The following ARHGAP42 variants were observed in gnomAD, a reference collection of about 807,000 sequenced individuals.
ARHGAP42 encodes Rho GTPase activating protein 42.
Under a neutral mutation model 125.0 loss-of-function variants are expected in ARHGAP42, and 63 were observed. That is an observed-to-expected ratio of 0.50 (90% CI 0.41 to 0.62). The LOEUF (loss-of-function observed/expected upper bound fraction) is 0.62. ARHGAP42 is among the 20% of genes least tolerant of loss of function. ARHGAP42 has a pLI of 0.00. For missense variants in ARHGAP42, 766 were observed against 1,024.2 expected (o/e 0.75, Z 3.44); for synonymous variants, 339 against 351.0 (o/e 0.97, Z 0.38).
At chr11:100,699,504 ATATTTTTTTTTTTTTTTTTTTTTTTT>A (rs1861360461) in intron 1 of ARHGAP42, among the ~76,000 whole-genome samples, 1 of 33,568 alleles carries the variant, frequency 3.0e-5, no homozygotes, top group African/African-American at 1.1e-4. Flanking sequence ...ATATATATAT[ATATTTTTTTTTTTTTTTTTTTTTTTT>A]TTTTTTTTTG....
chr11:100,715,390 A>C (rs986419475), intron 1 of ARHGAP42, among the ~76,000 whole-genome samples: 1 of 152,076 alleles, frequency 6.6e-6, no homozygotes, highest in Non-Finnish European at 1.5e-5. Flanking sequence ...TAAAACCTAG[A>C]GTGGAATAGT....
intron 1 of ARHGAP42, among the ~76,000 whole-genome samples, chr11:100,697,190 T>G (rs7942169): frequency 0.015 from 2,353 of 151,810 alleles, 80 homozygotes; most frequent in African/African-American, 0.054. Flanking sequence ...GGTTTTTTTT[T>G]TTGTTTTTTT....
intron 8 of ARHGAP42, among the ~76,000 whole-genome samples, chr11:100,938,982 T>C (rs776930778): frequency 4.6e-5 from 7 of 152,140 alleles, no homozygotes; most frequent in Non-Finnish European, 7.4e-5. Flanking sequence ...CAGTGATCAA[T>C]ATCAAATAAA....
rs1565210583 is a variant in ARHGAP42 at position 100,779,519 on chromosome 11, CGTAT to C, written c.250+9082_250+9085del. Among the ~76,000 whole-genome samples, 9 of 127,678 alleles carry C rather than the reference CGTAT, an allele frequency of 7.0e-5. 1 individual carries two copies. The highest frequency in any genetic ancestry group is 9.7e-5 in the Non-Finnish European group (6 of 61,712). The allele number at this position is 127,678 out of a possible 152,430, so 83.8% of individuals were successfully genotyped here. A position where few individuals can be genotyped will look rare whatever the true frequency, so the allele number is the denominator to read the frequency against. Reference sequence around the variant, plus strand: ...ACACATATATACACGTATATATATACGTATACATGCGTATATATACGTATATATA... The same window carrying C: ...ACACATATATACACGTATATATATACACATGCGTATATATACGTATATATA... On this transcript the variant is annotated intron_variant, in intron 2 of 23. Coordinates refer to ENST00000298815, the MANE Select transcript of ARHGAP42 (RefSeq NM_152432.4).
chr11:100,948,187 T>C (rs553684901), intron 10 of ARHGAP42, among the ~76,000 whole-genome samples: 97 of 152,184 alleles, frequency 6.4e-4, no homozygotes, highest in Middle Eastern at 3.4e-3. Context: ...TTGAAACTAG[T>C]CTCCTTCAGA....
chr11:100,738,447 T>C (rs1226185088), intron 1 of ARHGAP42: 1 of 152,222 alleles, frequency 6.6e-6, no homozygotes, highest in Non-Finnish European at 1.5e-5. Context: ...AGCTTTGTTT[T>C]AGATTTAAAA....
At position 100,979,053 on chromosome 11, in the gene ARHGAP42, A is replaced by C. The variant is rs1209777870; in HGVS notation, c.2456+4A>C. On this transcript the variant is annotated splice_donor_region_variant and intron_variant, in intron 22 of 23. Coordinates refer to ENST00000298815, the MANE Select transcript of ARHGAP42 (RefSeq NM_152432.4). Reference sequence around the variant, plus strand: ...CTAAACCAGTTTCTTCTGGGCGGTAAGTTCTCCAAACCCTTAAATGCATCT... The same window carrying C: ...CTAAACCAGTTTCTTCTGGGCGGTACGTTCTCCAAACCCTTAAATGCATCT... 1.4e-5 allele frequency: 22 copies of C among 1,551,438 alleles called. No individual in the cohort carries two copies. The highest frequency in any genetic ancestry group is 1.7e-5 in the Non-Finnish European group (20 of 1,146,800).
At chr11:100,854,842 G>A (rs982221639) in intron 3 of ARHGAP42, among the ~76,000 whole-genome samples, 5 of 152,126 alleles carry the variant, frequency 3.3e-5, no homozygotes, top group African/African-American at 1.2e-4. Flanking sequence ...GAGAAGAGAT[G>A]CTTGCTTGTA....
At chr11:100,735,822 G>A (rs895755256) in intron 1 of ARHGAP42, among the ~76,000 whole-genome samples, 4 of 151,864 alleles carry the variant, frequency 2.6e-5, no homozygotes, top group African/African-American at 9.7e-5. Context: ...TGAAACTATG[G>A]CCAGGCTGGT....
intron 6 of ARHGAP42, among the ~76,000 whole-genome samples, chr11:100,932,346 G>T (rs1867608904): frequency 2.0e-5 from 3 of 152,162 alleles, no homozygotes; most frequent in Non-Finnish European, 4.4e-5. Flanking sequence ...GGAAGAGGTT[G>T]TGGGAAAGAT....
chr11:100,771,885 C>G (rs991682060), intron 2 of ARHGAP42, among the ~76,000 whole-genome samples: 1 of 152,108 alleles, frequency 6.6e-6, no homozygotes, highest in African/African-American at 2.4e-5. Context: ...CAGACGTGAG[C>G]CACTGCGCCC....
intron 1 of ARHGAP42, among the ~76,000 whole-genome samples, chr11:100,719,199 A>G (rs1861716008): frequency 6.6e-6 from 1 of 152,242 alleles, no homozygotes; most frequent in Non-Finnish European, 1.5e-5. Flanking sequence ...CTAATTCTTC[A>G]TTCACCACTA....
chr11:100,800,308 A>G (rs1052288095), intron 3 of ARHGAP42, among the ~76,000 whole-genome samples: 1 of 152,186 alleles, frequency 6.6e-6, no homozygotes, highest in Non-Finnish European at 1.5e-5. Context: ...GGCAAGCATA[A>G]CTACTTAGTG....
At chr11:100,916,395 A>AT (rs1867067000) in intron 5 of ARHGAP42, among the ~76,000 whole-genome samples, 2 of 152,244 alleles carry the variant, frequency 1.3e-5, no homozygotes, top group Non-Finnish European at 2.9e-5. Context: ...CTTATATACA[A>AT]GAAGCATTGG....
At chr11:100,727,535 C>G (rs765289875) in intron 1 of ARHGAP42, among the ~76,000 whole-genome samples, 16 of 152,174 alleles carry the variant, frequency 1.1e-4, no homozygotes, top group Non-Finnish European at 1.9e-4. Context: ...CACCCCCACC[C>G]TCTGGGAAGG....
chr11:100,856,066 G>T (rs1865315438), intron 3 of ARHGAP42, among the ~76,000 whole-genome samples: 1 of 151,968 alleles, frequency 6.6e-6, no homozygotes, highest in Non-Finnish European at 1.5e-5. Flanking sequence ...GATACTGTGG[G>T]ATCCTGAATC....
At position 100,936,286 on chromosome 11, in the gene ARHGAP42, A is replaced by G; in HGVS notation, c.786A>G (p.Pro262=). Reference sequence around the variant, plus strand: ...AATCTGCTAACCAGGACTACAGACCACCCAGCCAGTGGACGATGGAAGGCT... The same window carrying G: ...AATCTGCTAACCAGGACTACAGACCGCCCAGCCAGTGGACGATGGAAGGCT... The part of the protein sequence containing the change: ...RMKSANQDYR[P]PSQWTMEGYL... The change falls in exon 8 of 24, where the codon CCA becomes CCG. Residue 262 remains proline (P), a synonymous_variant. Transcript: ENST00000298815. The G allele has an allele frequency of 8.4e-6, 13 of 1,551,490 alleles. No individual in the cohort carries two copies. The highest frequency in any genetic ancestry group is 1.1e-5 in the Non-Finnish European group (13 of 1,146,912).
At chr11:100,975,483 A>G (rs1445517287) in intron 19 of ARHGAP42, among the ~76,000 whole-genome samples, 2 of 152,192 alleles carry the variant, frequency 1.3e-5, no homozygotes, top group Admixed American at 6.5e-5. Flanking sequence ...CAAAATAGCC[A>G]GTTTCTTACA....
intron 4 of ARHGAP42, among the ~76,000 whole-genome samples, chr11:100,861,363 G>A (rs963827828): frequency 4.6e-5 from 7 of 152,160 alleles, no homozygotes; most frequent in African/African-American, 9.7e-5. Flanking sequence ...ATGACTCACA[G>A]TATTTTACTC....
Sources: allele counts gnomAD v4.1 joint callset (sites outside exome capture counted in the v4.1 genomes callset), GRCh38; gene constraint gnomAD v4.1.1; transcripts MANE v1.5; gene names NCBI Gene and HGNC (gene_info 2026-07-23, HGNC 2026-07-21).